The following ATP10B variants were observed in gnomAD, a reference collection of about 807,000 sequenced individuals.
ATP10B encodes ATPase phospholipid transporting 10B (putative).
ATP10B carries 122 observed loss-of-function variants against 141.2 expected under a neutral mutation model. The ratio of observed to expected loss-of-function variants is 0.86; its 90% CI spans 0.75 to 1.00. The LOEUF (loss-of-function observed/expected upper bound fraction) is 1.00. Among genes scored for constraint, ATP10B ranks in the 50% least tolerant of loss-of-function variants. ATP10B has a pLI of 0.00. For missense variants in ATP10B, 1,876 were observed against 1,825.3 expected, an observed-to-expected ratio of 1.03 and a Z score of -0.51; for synonymous variants, 685 against 692.0, an observed-to-expected ratio of 0.99 and a Z score of 0.16.
chr5:160,691,692 C>T (rs897790489), intron 3 of ATP10B: 3 of 152,112 alleles, frequency 2.0e-5, no homozygotes, highest in Non-Finnish European at 4.4e-5. Flanking sequence ...TTTTACTTTC[C>T]TGATGCCCAT....
At chr5:160,874,537 T>C in the ATP10B span, among the ~76,000 whole-genome samples, 2 of 152,264 alleles carry the variant, frequency 1.3e-5, no homozygotes, top group East Asian at 3.9e-4. Context: ...GGATGGAGAA[T>C]GACTTTGACG....
intron 24 of ATP10B, among the ~76,000 whole-genome samples, chr5:160,586,374 C>T (rs1321041002): frequency 1.3e-5 from 2 of 152,142 alleles, no homozygotes; most frequent in Non-Finnish European, 2.9e-5. Context: ...TTTATCCAAT[C>T]TGTCATTGGG....
At chr5:160,608,503 G>A (rs187350276) in intron 18 of ATP10B, among the ~76,000 whole-genome samples, 127 of 152,174 alleles carry the variant, frequency 8.3e-4, no homozygotes, top group African/African-American at 2.5e-3. Context: ...AGGAATCGCC[G>A]CACTGTCTTC....
intron 3 of ATP10B, among the ~76,000 whole-genome samples, chr5:160,694,980 T>C (rs1488136369): frequency 6.6e-6 from 1 of 152,212 alleles, no homozygotes; most frequent in Non-Finnish European, 1.5e-5. Context: ...AGCGTTCCAA[T>C]GAGCTGAGCA....
At chr5:160,796,775 CCT>C (rs987268738) in intron 1 of ATP10B, among the ~76,000 whole-genome samples, 1 of 152,132 alleles carries the variant, frequency 6.6e-6, no homozygotes, top group African/African-American at 2.4e-5. Flanking sequence ...AGAGTGGACT[CCT>C]CACACAGGTA....
At chr5:160,665,440 T>C (rs971275980) in intron 7 of ATP10B, among the ~76,000 whole-genome samples, 7 of 152,240 alleles carry the variant, frequency 4.6e-5, no homozygotes, top group African/African-American at 1.7e-4. Flanking sequence ...ATAATATTTG[T>C]GCTGAAAAAT....
At chr5:160,643,072 G>A (rs1274238561) in intron 9 of ATP10B, among the ~76,000 whole-genome samples, 3 of 152,186 alleles carry the variant, frequency 2.0e-5, no homozygotes, top group African/African-American at 7.2e-5. Context: ...AGATGGTGTT[G>A]AACTCCATTG....
intron 10 of ATP10B, 70 bp downstream of exon 10, chr5:160,640,391 G>T: frequency 1.9e-6 from 3 of 1,550,138 alleles, no homozygotes; most frequent in Non-Finnish European, 2.6e-6. Context: ...CTTTATAAAT[G>T]AGGAAGCTGA....
rs111403497 is a variant in ATP10B, at chr5:160,775,185, G to A, written c.-331+10374C>T. On this transcript the variant is annotated intron_variant, in intron 2 of 25. Transcript: ENST00000327245. ...TTTGCCCTGGCCTACGTCTCCCCAGGCCATGCCTGTCTGCACGCAGCCAAG... is the reference window on the plus strand; with the variant it reads ...TTTGCCCTGGCCTACGTCTCCCCAGACCATGCCTGTCTGCACGCAGCCAAG... Among the ~76,000 whole-genome samples the A allele has an allele frequency of 7.4e-3, 1,130 of 152,294 alleles. 15 individuals carry two copies. Among genetic ancestry groups the A allele is most frequent in the African/African-American group, 0.025 (1,044 of 41,552 alleles).
chr5:160,770,574 C>CA (rs1197231257), intron 2 of ATP10B, among the ~76,000 whole-genome samples: 6 of 152,080 alleles, frequency 3.9e-5, no homozygotes, highest in Admixed American at 1.3e-4. Context: ...AAGGAACACT[C>CA]TTCTTCATTT....
intron 16 of ATP10B, 38 bp from the exon 17 acceptor site, chr5:160,616,002 G>A: frequency 6.3e-7 from 1 of 1,578,988 alleles, no homozygotes; most frequent in South Asian, 1.1e-5. Context: ...AATCTTGGGT[G>A]GACCAACAAG....
intron 1 of ATP10B, among the ~76,000 whole-genome samples, chr5:160,788,724 A>G (rs1391098689): frequency 3.3e-5 from 5 of 152,134 alleles, no homozygotes; most frequent in African/African-American, 1.2e-4. Flanking sequence ...TCCAACCACT[A>G]TTTAGTGAAT....
the ATP10B span, among the ~76,000 whole-genome samples, chr5:160,878,051 C>T: frequency 9.2e-5 from 14 of 151,680 alleles, no homozygotes; most frequent in Middle Eastern, 3.2e-3. Context: ...TCATATGGAA[C>T]CAAAAAAGAG....
chr5:160,633,236 C>T (rs1223166752), intron 12 of ATP10B: 1 of 152,246 alleles, frequency 6.6e-6, no homozygotes, highest in African/African-American at 2.4e-5. Flanking sequence ...GATTATAAAT[C>T]ATTCTACTAA....
intron 24 of ATP10B, among the ~76,000 whole-genome samples, chr5:160,570,143 G>A (rs1450426304): frequency 6.6e-6 from 1 of 151,128 alleles, no homozygotes; most frequent in Non-Finnish European, 1.5e-5. Flanking sequence ...TGCCTGTTTT[G>A]TGCTTTTCTT....
intron 1 of ATP10B, among the ~76,000 whole-genome samples, chr5:160,789,990 C>T (rs573321884): frequency 6.6e-6 from 1 of 152,182 alleles, no homozygotes; most frequent in East Asian, 1.9e-4. Context: ...ATTCCTTATC[C>T]TCTTCGAGCT....
chr5:160,621,069 C>T (rs1581213336), intron 14 of ATP10B, 119 bp from the exon 15 acceptor site: 2 of 1,246,730 alleles, frequency 1.6e-6, no homozygotes, highest in East Asian at 2.3e-5. Flanking sequence ...TTTCCTCCAG[C>T]CCTGAAATTC....
chr5:160,868,634 G>GTC, the ATP10B span, among the ~76,000 whole-genome samples: 1 of 150,380 alleles, frequency 6.6e-6, no homozygotes, highest in African/African-American at 2.5e-5. Context: ...ATAGAGAAAA[G>GTC]TCTCTCTTTC....
chr5:160,750,934 A>G lies in ATP10B; in HGVS notation c.-330-33900T>C, dbSNP rs1046581442. 3.3e-5 allele frequency among the ~76,000 whole-genome samples: 5 copies of G among 151,950 alleles called. No homozygotes were observed. The South Asian group carries it at 8.3e-4, about 25-fold the overall frequency. The stretch of plus-strand genomic sequence containing the variant: ...GACTTTTTCACCTGCTCTCCCCTAC[A>G]CTTTCTTTAGATTCTAGCATAGACA... On this transcript the variant is annotated intron_variant, in intron 2 of 25. Transcript: ENST00000327245.
Sources: gnomAD v4.1 joint callset for allele counts (sites outside exome capture counted in the v4.1 genomes callset) on GRCh38, gnomAD v4.1.1 for gene constraint, MANE v1.5 for transcripts, NCBI Gene and HGNC (gene_info 2026-07-23, HGNC 2026-07-21) for gene names.